The following MBD1 variants were observed in gnomAD, a reference collection of about 807,000 sequenced individuals.
MBD1 encodes the protein methyl-CpG-binding domain protein 1.
MBD1 carries 25 observed loss-of-function variants against 82.6 expected under a neutral mutation model. That is an observed-to-expected ratio of 0.30 (90% CI 0.22 to 0.42). The LOEUF is 0.42. MBD1 is among the 10% of genes least tolerant of loss of function. The probability of loss-of-function intolerance (pLI) is 1.00; values close to 1 mark genes in which losing one functional copy is unlikely to be tolerated. For synonymous variants in MBD1, 301 were observed against 303.7 expected (o/e 0.99, Z 0.09); for missense variants, 627 against 819.6 (o/e 0.76, Z 2.87).
chr18:50,268,565 G>A (rs1043623969), downstream of MBD1, among the ~76,000 whole-genome samples: 4 of 152,376 alleles, frequency 2.6e-5, no homozygotes, highest in East Asian at 1.9e-4. Flanking sequence ...GGTGCCTCCA[G>A]GGCCCCGGTG....
At chr18:50,267,761 T>C, downstream of MBD1, 1 of 764,418 alleles carries the variant, frequency 1.3e-6, no homozygotes, top group African/African-American at 1.7e-5. Context: ...AGTACCTACG[T>C]CAAACTGACA....
Position 50,274,285 on chromosome 18 carries a change from G to A in MBD1, c.1047C>T (p.Asp349=). The part of the protein sequence containing the change: ...GACAACLRRM[D]CGRCDFCCDK... ...CGCAGCAGAAGTCGCAGCGGCCACA[G>A]TCCATCCGCCGTAGGCAGGCTGCAC... Residue 349 remains aspartate, a synonymous_variant, in exon 11 of 17, where the codon GAC becomes GAT. Coordinates refer to ENST00000269468, the MANE Select transcript of MBD1 (RefSeq NM_015846.4). The A allele has an allele frequency of 6.2e-7, 1 of 1,613,940 alleles. No individual in the cohort carries two copies. Among genetic ancestry groups the A allele is most frequent in the East Asian group, 2.2e-5 (1 of 44,890 alleles).
chr18:50,275,907 C>T lies in MBD1; in HGVS notation c.591G>A (p.Gln197=). The part of the protein sequence containing the change: ...DCGACSTCLL[Q]LPHDVASGLF... ...GCCCCGATGCCACATCATGGGGCAGCTGCAGGAGGCAGGTGGAGCAGGCCC... is the reference window on the plus strand; with the variant it reads ...GCCCCGATGCCACATCATGGGGCAGTTGCAGGAGGCAGGTGGAGCAGGCCC... The change falls in exon 7 of 17, where the codon CAG becomes CAA. Residue 197 remains glutamine (Q), a synonymous_variant. Transcript: ENST00000269468. 1 of 1,614,152 alleles carries T rather than the reference C, an allele frequency of 6.2e-7. No homozygotes were observed. The highest frequency in any genetic ancestry group is 8.5e-7 in the Non-Finnish European group (1 of 1,180,028).
chr18:50,267,732 T>C (rs769287283), downstream of MBD1: 17 of 1,020,836 alleles, frequency 1.7e-5, no homozygotes, highest in Non-Finnish European at 2.5e-5. Flanking sequence ...AGAACACTTG[T>C]GAGCACATGC....
In MBD1 at chr18:50,280,031, G is replaced by T. The variant is rs1266635101; in HGVS notation, c.-25-14C>A. 3.1e-6 allele frequency: 5 copies of T among 1,593,440 alleles called. No individual in the cohort carries two copies. Among genetic ancestry groups the T allele is most frequent in the South Asian group, 1.1e-5 (1 of 90,262 alleles). ...AGCAGCAGTAGCCTGAAAGGGGGTG[G>T]AAGGGATGAGGGAAACTGAGGCTCT... is the stretch of plus-strand genomic sequence containing the variant. On this transcript the variant is annotated splice_polypyrimidine_tract_variant and intron_variant, in intron 1 of 16. Transcript: ENST00000269468.
At chr18:50,276,469 C>A (rs1356534954) in intron 5 of MBD1, 51 bp from the exon 6 acceptor site, 1 of 1,576,792 alleles carries the variant, frequency 6.3e-7, no homozygotes, top group Non-Finnish European at 8.7e-7. Flanking sequence ...CAACAGACAT[C>A]TGACTTCACT....
chr18:50,270,085 C>G, intron 16 of MBD1: 1 of 1,598,058 alleles, frequency 6.3e-7, no homozygotes, highest in South Asian at 1.1e-5. Context: ...GTGGTTGGTT[C>G]CTGGGGGAAA....
chr18:50,274,098 C>G, intron 11 of MBD1, 88 bp downstream of exon 11: 1 of 1,565,280 alleles, frequency 6.4e-7, no homozygotes, highest in Non-Finnish European at 8.8e-7. Context: ...CCCCACCCAC[C>G]CACCTACCAA....
At position 50,272,938 on chromosome 18, in the gene MBD1, C is replaced by T; in HGVS notation, c.1602G>A (p.Leu534=). 1 of 1,614,188 alleles carries T rather than the reference C, an allele frequency of 6.2e-7. No homozygotes were observed. Among genetic ancestry groups the T allele is most frequent in the Non-Finnish European group, 8.5e-7 (1 of 1,180,036 alleles). ...GCPSKAVDPG[L]PSVKQEPPDP... Reference sequence around the variant, plus strand: ...CAGGTGGCTCTTGCTTCACAGAAGGCAGGCCTGGGTCTACTGCCTGGGAGA... The same window carrying T: ...CAGGTGGCTCTTGCTTCACAGAAGGTAGGCCTGGGTCTACTGCCTGGGAGA... Residue 534 remains leucine (L), a synonymous_variant, in exon 14 of 17, where the codon CTG becomes CTA. Transcript: ENST00000269468.
At chr18:50,278,422 T>A (rs895174089) in intron 2 of MBD1, among the ~76,000 whole-genome samples, 1 of 152,216 alleles carries the variant, frequency 6.6e-6, no homozygotes, top group East Asian at 1.9e-4. Context: ...CCTACCAGCA[T>A]CTACAAAATT....
chr18:50,278,002 A>G (rs948414288), intron 2 of MBD1, among the ~76,000 whole-genome samples: 2 of 152,224 alleles, frequency 1.3e-5, no homozygotes, highest in African/African-American at 2.4e-5. Context: ...GATACATCCC[A>G]AGTTCCCCAG....
rs2037559958 is a variant in MBD1 at position 50,275,669 on chromosome 18, G to A, written c.723C>T (p.Pro241=). 1 of 1,614,202 alleles carries A rather than the reference G, an allele frequency of 6.2e-7. No individual in the cohort carries two copies. The highest frequency in any genetic ancestry group is 1.1e-5 in the South Asian group (1 of 91,086). Residue 241 remains proline, a synonymous_variant, in exon 8 of 17, where the codon CCC becomes CCT. Transcript: ENST00000269468. The stretch of plus-strand genomic sequence containing the variant: ...CAGGGCGGGGAGGGCGAAGGCAGAT[G>A]GGGCAATGGCCACAATCCTCTTGGG... The part of the protein sequence containing the change: ...CQTQEDCGHC[P]ICLRPPRPGL...
downstream of MBD1, chr18:50,267,570 C>A (rs1425486780): frequency 6.7e-7 from 1 of 1,484,608 alleles, no homozygotes; most frequent in Non-Finnish European, 9.1e-7. Context: ...AGGATCCAGG[C>A]AGAACAGGAA....
In MBD1 at chr18:50,270,038, T is replaced by C. The variant is rs372291885; in HGVS notation, c.*33-220A>G. 2.1e-5 allele frequency: 33 copies of C among 1,597,916 alleles called. No homozygotes were observed. The African/African-American group carries it at 4.3e-4, about 21-fold the overall frequency. On this transcript the variant is annotated intron_variant, in intron 16 of 16. Transcript: ENST00000269468. ...AAATGTCAATCAAATAAATTTCATA[T>C]AGATCATTGTCAAAATTACCAGAAT... is the stretch of plus-strand genomic sequence containing the variant.
rs765974446 is a variant in MBD1, at chr18:50,281,115, A to T, written c.-26+248T>A. The stretch of plus-strand genomic sequence containing the variant: ...CCCGATGTCTCCCTTTAGCGTTCTG[A>T]TCTCCACCATTCCTCTCCGTCCTCG... On this transcript the variant is annotated intron_variant, in intron 1 of 16. Coordinates refer to ENST00000269468, the MANE Select transcript of MBD1 (RefSeq NM_015846.4). 1.7e-5 allele frequency: 25 copies of T among 1,511,822 alleles called. No individual in the cohort carries two copies. In the African/African-American group the frequency reaches 3.5e-4, roughly 21 times the overall value. The allele number at this position is 1,511,822 out of a possible 1,614,324, so 93.7% of individuals were successfully genotyped here. A position where few individuals can be genotyped will look rare whatever the true frequency, so the allele number is the denominator to read the frequency against.
Position 50,276,013 on chromosome 18 carries a change from C to T in MBD1, c.517-32G>A. The T allele has an allele frequency of 1.9e-6, 3 of 1,602,206 alleles. 1 individual carries two copies. The highest frequency in any genetic ancestry group is 2.5e-6 in the Non-Finnish European group (3 of 1,177,810). On this transcript the variant is annotated intron_variant, in intron 6 of 16. Coordinates refer to ENST00000269468, the MANE Select transcript of MBD1 (RefSeq NM_015846.4). ...GGAATGGTAGGGACGAGATCACGGG[C>T]CTGCTCCAGAAGCACTGGTCCTCCC...
chr18:50,273,837 T>G lies in MBD1; in HGVS notation c.1173A>C (p.Ser391=). Residue 391 remains serine, a synonymous_variant, in exon 12 of 17, where the codon TCA becomes TCC. Coordinates refer to ENST00000269468, the MANE Select transcript of MBD1 (RefSeq NM_015846.4). ...AMKRLLPSVW[S]ESEDGAGSPP... is the part of the protein sequence containing the mutation. ...GCGATCCTGCCCCATCCTCAGACTC[T>G]GACCAGACACTGGGCAGCAGCCGCT... 6.2e-7 allele frequency: 1 copy of G among 1,613,362 alleles called. No homozygotes were observed. Among genetic ancestry groups the G allele is most frequent in the Non-Finnish European group, 8.5e-7 (1 of 1,180,020 alleles).
At chr18:50,267,642 G>C, downstream of MBD1, 1 of 1,536,108 alleles carries the variant, frequency 6.5e-7, no homozygotes. Context: ...TGCATTTCCA[G>C]TCAAGAGCAA....
At chr18:50,281,183 C>G (rs1359868350) in intron 1 of MBD1, 180 bp downstream of exon 1, 1 of 1,534,260 alleles carries the variant, frequency 6.5e-7, no homozygotes, top group Non-Finnish European at 8.7e-7. Context: ...TTCAGAGCTG[C>G]ATTCCTTCCC....
Sources: gnomAD v4.1 joint callset for allele counts (sites outside exome capture counted in the v4.1 genomes callset) on GRCh38, gnomAD v4.1.1 for gene constraint, MANE v1.5 for transcripts, NCBI Gene and HGNC (gene_info 2026-07-23, HGNC 2026-07-21) for gene names.